Variants in SORCS1 observed in about 807,000 individuals in gnomAD.
SORCS1 encodes the protein sortilin related VPS10 domain containing receptor 1, also known as VPS10 domain-containing receptor SorCS1.
Under a neutral mutation model 146.1 loss-of-function variants are expected in SORCS1, and 60 were observed. The ratio of observed to expected loss-of-function variants is 0.41; its 90% CI spans 0.33 to 0.51. The LOEUF (loss-of-function observed/expected upper bound fraction) is 0.51. Among genes scored for constraint, SORCS1 ranks in the 20% least tolerant of loss-of-function variants. The probability of loss-of-function intolerance (pLI) is 0.21; values close to 1 mark genes in which losing one functional copy is unlikely to be tolerated. For synonymous variants in SORCS1, 637 were observed against 584.0 expected, an observed-to-expected ratio of 1.09 and a Z score of -1.31; for missense variants, 1,352 against 1,487.6, an observed-to-expected ratio of 0.91 and a Z score of 1.50.
intron 18 of SORCS1, among the ~76,000 whole-genome samples, chr10:106,635,038 A>G (rs1429033660): frequency 3.3e-5 from 5 of 152,206 alleles, no homozygotes; most frequent in African/African-American, 1.2e-4. Context: ...TGATGATTCT[A>G]TTCTCCAAGG....
At chr10:106,702,347 C>G (rs1235125210) in intron 8 of SORCS1, among the ~76,000 whole-genome samples, 1 of 152,222 alleles carries the variant, frequency 6.6e-6, no homozygotes, top group Non-Finnish European at 1.5e-5. Flanking sequence ...AATAACCTGA[C>G]CCCCGCATAG....
At chr10:106,859,731 G>A (rs570886700) in intron 2 of SORCS1, among the ~76,000 whole-genome samples, 39 of 152,188 alleles carry the variant, frequency 2.6e-4, no homozygotes, top group Admixed American at 5.2e-4. Context: ...TCCCTCTGCT[G>A]AATGGAATGC....
intron 1 of SORCS1, among the ~76,000 whole-genome samples, chr10:107,055,999 C>T (rs761287980): frequency 6.6e-6 from 1 of 152,136 alleles, no homozygotes; most frequent in Admixed American, 6.5e-5. Flanking sequence ...GCTCCAGCCA[C>T]GAAGAAACAA....
chr10:107,004,140 C>CACTCCA (rs1244079118), intron 1 of SORCS1, among the ~76,000 whole-genome samples: 2 of 137,596 alleles, frequency 1.5e-5, no homozygotes, highest in Non-Finnish European at 3.0e-5. Flanking sequence ...TGCGCCACTG[C>CACTCCA]ACTCCAGCCT....
At chr10:106,914,648 G>A (rs1480636892) in intron 2 of SORCS1, among the ~76,000 whole-genome samples, 2 of 152,126 alleles carry the variant, frequency 1.3e-5, no homozygotes, top group Non-Finnish European at 2.9e-5. Context: ...GGCATGAATT[G>A]ACCTAGATAA....
intron 1 of SORCS1, among the ~76,000 whole-genome samples, chr10:106,970,428 T>C (rs979896023): frequency 7.0e-6 from 1 of 142,954 alleles, no homozygotes; most frequent in African/African-American, 2.6e-5. Flanking sequence ...AACCACCACC[T>C]TCTGGGTTCA....
chr10:106,921,851 T>C (rs1441788458), intron 2 of SORCS1, among the ~76,000 whole-genome samples: 2 of 152,214 alleles, frequency 1.3e-5, no homozygotes, highest in Non-Finnish European at 2.9e-5. Flanking sequence ...CTTATTTCTT[T>C]GCTATGTTGC....
At chr10:107,172,636 C>G in the SORCS1 span, among the ~76,000 whole-genome samples, 3 of 152,170 alleles carry the variant, frequency 2.0e-5, no homozygotes, top group Non-Finnish European at 4.4e-5. Context: ...AATGCAGGCA[C>G]AGAGAAGACA....
At chr10:107,114,691 G>A (rs1044940911) in intron 1 of SORCS1, among the ~76,000 whole-genome samples, 1 of 151,998 alleles carries the variant, frequency 6.6e-6, no homozygotes, top group Non-Finnish European at 1.5e-5. Context: ...TCAAGATCAG[G>A]AATAAGACAA....
chr10:106,732,173 G>T (rs1856646036), intron 5 of SORCS1, among the ~76,000 whole-genome samples: 1 of 152,210 alleles, frequency 6.6e-6, no homozygotes, highest in South Asian at 2.1e-4. Context: ...CAGAGCCTAT[G>T]CTTGAAACAT....
chr10:106,920,898 C>T (rs774925937), intron 2 of SORCS1, among the ~76,000 whole-genome samples: 107 of 152,136 alleles, frequency 7.0e-4, no homozygotes, highest in Non-Finnish European at 1.4e-3. Flanking sequence ...TAGCCCTCTT[C>T]ACCATGAGGC....
At chr10:106,652,846 C>T (rs1156825960) in intron 17 of SORCS1, among the ~76,000 whole-genome samples, 1 of 152,048 alleles carries the variant, frequency 6.6e-6, no homozygotes, top group Middle Eastern at 3.2e-3. Context: ...AGATATAGCC[C>T]CTACTCTCAC....
chr10:106,807,074 T>C (rs990352720), intron 3 of SORCS1, among the ~76,000 whole-genome samples: 26 of 152,194 alleles, frequency 1.7e-4, no homozygotes, highest in African/African-American at 6.3e-4. Context: ...AGTTTTCCCT[T>C]TATCTTTCTC....
At chr10:106,751,997 C>T (rs1238173517) in intron 5 of SORCS1, among the ~76,000 whole-genome samples, 2 of 152,092 alleles carry the variant, frequency 1.3e-5, no homozygotes, top group Non-Finnish European at 2.9e-5. Flanking sequence ...TGCTAAGTTA[C>T]TTAATGGTAA....
intron 1 of SORCS1, among the ~76,000 whole-genome samples, chr10:107,006,588 C>A (rs934170091): frequency 6.6e-6 from 1 of 152,142 alleles, no homozygotes; most frequent in South Asian, 2.1e-4. Context: ...GAGGCCGAGG[C>A]GGGCAGATCA....
chr10:106,774,035 A>AT (rs1273843939), intron 4 of SORCS1, among the ~76,000 whole-genome samples: 2 of 152,134 alleles, frequency 1.3e-5, no homozygotes, highest in Non-Finnish European at 2.9e-5. Flanking sequence ...CCAATTAGTG[A>AT]TTTTTCCCTT....
chr10:106,939,720 G>A (rs1953933869), intron 2 of SORCS1, among the ~76,000 whole-genome samples: 1 of 152,204 alleles, frequency 6.6e-6, no homozygotes, highest in South Asian at 2.1e-4. Context: ...TTTCCCTTTG[G>A]AAGGAGGAGA....
intron 1 of SORCS1, among the ~76,000 whole-genome samples, chr10:107,046,239 C>T (rs1204082379): frequency 6.6e-6 from 1 of 151,986 alleles, no homozygotes; most frequent in Non-Finnish European, 1.5e-5. Flanking sequence ...CCACTGTGCT[C>T]GGCCACCTGG....
intron 1 of SORCS1, among the ~76,000 whole-genome samples, chr10:107,160,533 A>G (rs1361667056): frequency 6.6e-6 from 1 of 152,242 alleles, no homozygotes; most frequent in Non-Finnish European, 1.5e-5. Context: ...CAGAACAACT[A>G]GAAGCAAAGA....
Sources: allele counts gnomAD v4.1 joint callset (sites outside exome capture counted in the v4.1 genomes callset), GRCh38; gene constraint gnomAD v4.1.1; transcripts MANE v1.5; gene names NCBI Gene and HGNC (gene_info 2026-07-23, HGNC 2026-07-21).